The following MAP4K5 variants were observed in gnomAD, a reference collection of about 807,000 sequenced individuals.
MAP4K5 encodes MAPK/ERK kinase kinase kinase 5.
MAP4K5 carries 82 observed loss-of-function variants against 135.6 expected under a neutral mutation model. The ratio of observed to expected loss-of-function variants is 0.60; its 90% CI spans 0.51 to 0.73. The LOEUF is 0.73. MAP4K5 is among the 30% of genes least tolerant of loss of function. The pLI, the probability that MAP4K5 is intolerant of heterozygous loss-of-function variation, is 0.00. For missense variants in MAP4K5, 907 were observed against 1,010.9 expected, an observed-to-expected ratio of 0.90 and a Z score of 1.39; for synonymous variants, 347 against 335.0, an observed-to-expected ratio of 1.04 and a Z score of -0.39.
intron 4 of MAP4K5, 24 bp from the exon 5 acceptor site, chr14:50,485,666 T>C (rs1215332378): frequency 7.3e-7 from 1 of 1,378,134 alleles, no homozygotes; most frequent in African/African-American, 1.4e-5. Context: ...AAAAGAAAAT[T>C]ATATTAGCTA....
chr14:50,555,992 A>C (rs1210524383), intron 1 of MAP4K5, among the ~76,000 whole-genome samples: 1 of 152,206 alleles, frequency 6.6e-6, no homozygotes, highest in African/African-American at 2.4e-5. Flanking sequence ...CCAATGGAAG[A>C]AAAAATAATT....
At chr14:50,504,661 T>C (rs1327763061) in intron 3 of MAP4K5, 139 bp downstream of exon 3, 3 of 646,078 alleles carry the variant, frequency 4.6e-6, no homozygotes, top group Non-Finnish European at 7.8e-6. Flanking sequence ...TACCTTTAAC[T>C]AACCACCTTC....
chr14:50,486,986 T>A (rs1194270286), intron 3 of MAP4K5, among the ~76,000 whole-genome samples: 1 of 152,182 alleles, frequency 6.6e-6, no homozygotes, highest in Admixed American at 6.5e-5. Context: ...AGGTCTTAGA[T>A]AAATAAACAA....
In MAP4K5 at chr14:50,419,914, A is replaced by G. The variant is rs1016796072; in HGVS notation, c.*105T>C. ...GTACAGATCATTTGCAATATAACCC[A>G]TAATAGTTAAAGCAAATCATAGTGC... On this transcript the variant is annotated 3_prime_UTR_variant, in exon 33 of 33. Transcript: ENST00000682126. The G allele has an allele frequency of 8.8e-6, 7 of 792,726 alleles. No homozygotes were observed. The Admixed American group carries it at 1.0e-4, about 12-fold the overall frequency. 49.1% of individuals were successfully genotyped at this position (792,726 alleles called of 1,614,324 possible). A position where few individuals can be genotyped will look rare whatever the true frequency, so the allele number is the denominator to read the frequency against.
intron 3 of MAP4K5, among the ~76,000 whole-genome samples, chr14:50,498,812 T>A (rs2037647765): frequency 6.6e-6 from 1 of 152,220 alleles, no homozygotes; most frequent in Non-Finnish European, 1.5e-5. Context: ...CAAATAATTA[T>A]CTTTTCATGT....
At position 50,429,267 on chromosome 14, in the gene MAP4K5, AAG is replaced by A. The variant is rs560207906; in HGVS notation, c.2165-9_2165-8del. ...GAATCTAACTGCTGGCTGCCTTAGGAAGTAAAAAACAAGGTTACAATTATACT... is the reference window on the plus strand; with the variant it reads ...GAATCTAACTGCTGGCTGCCTTAGGATAAAAAACAAGGTTACAATTATACT... On this transcript the variant is annotated splice_region_variant and splice_polypyrimidine_tract_variant and intron_variant, in intron 28 of 32. Coordinates refer to ENST00000682126, the MANE Select transcript of MAP4K5 (RefSeq NM_006575.6). 89 of 1,543,050 alleles carry A rather than the reference AAG, an allele frequency of 5.8e-5. No homozygotes were observed. In the African/African-American group the frequency reaches 8.6e-4, roughly 15 times the overall value.
chr14:50,556,878 G>A (rs1477433296), intron 1 of MAP4K5, among the ~76,000 whole-genome samples: 2 of 152,042 alleles, frequency 1.3e-5, no homozygotes, highest in Non-Finnish European at 2.9e-5. Flanking sequence ...ACTACATTTT[G>A]TTTATCCATT....
At chr14:50,479,672 G>C (rs188262311) in intron 6 of MAP4K5, among the ~76,000 whole-genome samples, 1 of 152,196 alleles carries the variant, frequency 6.6e-6, no homozygotes, top group African/African-American at 2.4e-5. Flanking sequence ...GTGTGGGTTG[G>C]TTTTACTGAT....
intron 2 of MAP4K5, among the ~76,000 whole-genome samples, chr14:50,541,005 G>C (rs1258016663): frequency 3.3e-5 from 5 of 152,224 alleles, no homozygotes; most frequent in Non-Finnish European, 7.3e-5. Flanking sequence ...GTTGATGCTA[G>C]TCATAGTTGT....
intron 9 of MAP4K5, among the ~76,000 whole-genome samples, chr14:50,474,365 C>T (rs1233486323): frequency 2.0e-5 from 3 of 150,622 alleles, no homozygotes; most frequent in Non-Finnish European, 2.9e-5. Flanking sequence ...ACTCCAGCCA[C>T]GTGACAGAAT....
chr14:50,539,241 T>C (rs943903618), intron 2 of MAP4K5, among the ~76,000 whole-genome samples: 4 of 152,128 alleles, frequency 2.6e-5, no homozygotes, highest in African/African-American at 9.7e-5. Context: ...TGAAATGGAG[T>C]GTCAGTGTAG....
At chr14:50,518,875 A>G (rs1368108391) in intron 2 of MAP4K5, among the ~76,000 whole-genome samples, 1 of 152,190 alleles carries the variant, frequency 6.6e-6, no homozygotes, top group African/African-American at 2.4e-5. Context: ...CAGGGTAGGG[A>G]AGATGTGAAC....
Position 50,437,109 on chromosome 14 carries a change from C to T in MAP4K5, c.1882+367G>A, listed in dbSNP as rs369611972. 7.2e-5 allele frequency among the ~76,000 whole-genome samples: 11 copies of T among 152,216 alleles called. No individual in the cohort carries two copies. In the East Asian group the frequency reaches 7.7e-4, roughly 11 times the overall value. The stretch of plus-strand genomic sequence containing the variant: ...ATAAGTGAGGGTGTTCTTGTGTGAA[C>T]TGTTCCCTCTAACTGCATAGTTGGC... On this transcript the variant is annotated intron_variant, in intron 26 of 32. Transcript: ENST00000682126.
At chr14:50,544,983 A>G (rs911588616) in intron 1 of MAP4K5, among the ~76,000 whole-genome samples, 3 of 149,776 alleles carry the variant, frequency 2.0e-5, no homozygotes, top group African/African-American at 7.4e-5. Context: ...ATAATGTAAC[A>G]GGTCCCTCAC....
At chr14:50,522,671 AGTT>A (rs1373849256) in intron 2 of MAP4K5, among the ~76,000 whole-genome samples, 3 of 152,156 alleles carry the variant, frequency 2.0e-5, no homozygotes, top group Non-Finnish European at 1.5e-5. Flanking sequence ...TATTTTTCCA[AGTT>A]ATTCACTCTC....
At chr14:50,509,854 A>G (rs2037895123) in intron 2 of MAP4K5, among the ~76,000 whole-genome samples, 1 of 152,192 alleles carries the variant, frequency 6.6e-6, no homozygotes. Flanking sequence ...CTCCTATAGA[A>G]AACAGAAAAA....
At chr14:50,542,514 G>A (rs1007062254) in exon 2 of MAP4K5, 7 of 152,148 alleles carry the variant, frequency 4.6e-5, no homozygotes, top group African/African-American at 1.2e-4. Context: ...TTACTGGATC[G>A]TAAGTTGAAC....
intron 22 of MAP4K5, 135 bp from the exon 23 acceptor site, chr14:50,440,208 T>C: frequency 1.2e-6 from 1 of 801,592 alleles, no homozygotes; most frequent in Non-Finnish European, 1.9e-6. Flanking sequence ...AAAAAAAATC[T>C]TTCAACATGA....
intron 2 of MAP4K5, among the ~76,000 whole-genome samples, chr14:50,524,181 G>C (rs1252934378): frequency 6.6e-6 from 1 of 152,184 alleles, no homozygotes; most frequent in Non-Finnish European, 1.5e-5. Context: ...GTAACTGAAT[G>C]CTGTAATCAC....
Sources: gnomAD v4.1 joint callset for allele counts (sites outside exome capture counted in the v4.1 genomes callset) on GRCh38, gnomAD v4.1.1 for gene constraint, MANE v1.5 for transcripts, NCBI Gene and HGNC (gene_info 2026-07-23, HGNC 2026-07-21) for gene names.